CUEDC1: variants seen among roughly 807,000 people sequenced by gnomAD.
The protein encoded by CUEDC1 is CUE domain-containing protein 1.
CUEDC1 carries 30 observed loss-of-function variants against 43.7 expected under a neutral mutation model. The observed-to-expected ratio is 0.69, with a 90% CI of 0.51 to 0.93. CUEDC1 has a LOEUF of 0.93. CUEDC1 is among the 40% of genes least tolerant of loss of function. CUEDC1 has a pLI of 0.00. For missense variants in CUEDC1, 486 were observed against 549.0 expected (o/e 0.89, Z 1.15); for synonymous variants, 223 against 223.6 (o/e 1.00, Z 0.02).
chr17:57,947,802 C>T (rs2074972454), intron 1 of CUEDC1, among the ~76,000 whole-genome samples: 2 of 151,776 alleles, frequency 1.3e-5, no homozygotes, highest in Non-Finnish European at 2.9e-5. Context: ...GACCCTGTCT[C>T]ATAAATAAAT....
chr17:57,945,953 C>T (rs978202843), intron 1 of CUEDC1, among the ~76,000 whole-genome samples: 10 of 151,170 alleles, frequency 6.6e-5, no homozygotes, highest in African/African-American at 1.7e-4. Context: ...TGAACCCGGG[C>T]GGGTGGAGGC....
intron 8 of CUEDC1, 25 bp from the exon 9 acceptor site, chr17:57,867,440 T>A (rs1457140909): frequency 2.6e-6 from 4 of 1,550,458 alleles, no homozygotes; most frequent in Non-Finnish European, 3.5e-6. Context: ...AGGAAAACCG[T>A]CCCAGGGATG....
intron 1 of CUEDC1, among the ~76,000 whole-genome samples, chr17:57,890,643 C>T (rs11867236): frequency 0.13 from 19,675 of 152,186 alleles, 1,456 homozygotes; most frequent in African/African-American, 0.19. Context: ...AATCCAGGCC[C>T]GGCAGGGGCG....
chr17:57,886,823 T>G (rs1568037158), intron 1 of CUEDC1, among the ~76,000 whole-genome samples: 1 of 149,478 alleles, frequency 6.7e-6, no homozygotes. Context: ...GGTTGTTTTT[T>G]TTTTTTTTTT....
intron 1 of CUEDC1, among the ~76,000 whole-genome samples, chr17:57,924,750 C>G (rs557150952): frequency 6.6e-6 from 1 of 152,174 alleles, no homozygotes; most frequent in Admixed American, 6.5e-5. Flanking sequence ...AGCCGCTGTC[C>G]CATCAAGGCC....
At chr17:57,910,882 C>T (rs570173205) in intron 1 of CUEDC1, among the ~76,000 whole-genome samples, 106 of 152,154 alleles carry the variant, frequency 7.0e-4, no homozygotes, top group South Asian at 3.9e-3. Flanking sequence ...TTCACAGTAC[C>T]CCCTGGCTTT....
chr17:57,909,101 A>G (rs2074558350), intron 1 of CUEDC1, among the ~76,000 whole-genome samples: 1 of 152,204 alleles, frequency 6.6e-6, no homozygotes, highest in Non-Finnish European at 1.5e-5. Flanking sequence ...TATGACAATA[A>G]AAATTTTAAT....
At chr17:57,871,425 C>T (rs766865701) in intron 5 of CUEDC1, 56 bp from the exon 6 acceptor site, 5 of 1,465,970 alleles carry the variant, frequency 3.4e-6, no homozygotes, top group Non-Finnish European at 4.8e-6. Flanking sequence ...CTCCCAGGGG[C>T]AGGCTGGGCT....
intron 1 of CUEDC1, among the ~76,000 whole-genome samples, chr17:57,896,487 G>GGGGGGGGGGGTGTGT (rs375270781): frequency 3.8e-5 from 5 of 130,276 alleles, no homozygotes; most frequent in Non-Finnish European, 8.0e-5. Context: ...TGCATTATGG[G>GGGGGGGGGGGTGTGT]GTGTGTGTGT....
intron 8 of CUEDC1, 23 bp downstream of exon 8, chr17:57,868,127 C>G: frequency 6.3e-7 from 1 of 1,597,902 alleles, no homozygotes; most frequent in Non-Finnish European, 8.6e-7. Context: ...CCACCCCCAC[C>G]AGTGCCAGGC....
chr17:57,944,733 C>G (rs1947619162), intron 1 of CUEDC1, among the ~76,000 whole-genome samples: 1 of 152,212 alleles, frequency 6.6e-6, no homozygotes, highest in African/African-American at 2.4e-5. Context: ...CCTTTGCACA[C>G]TCACACATTT....
In CUEDC1 at chr17:57,879,612, G is replaced by C. The variant is rs371383956; in HGVS notation, c.463C>G (p.Arg155Gly). The C allele has an allele frequency of 6.3e-7, 1 of 1,589,078 alleles. No individual in the cohort carries two copies. Among genetic ancestry groups the C allele is most frequent in the Non-Finnish European group, 8.5e-7 (1 of 1,171,780 alleles). ...CTCTGAGACATGACAGATTCTCACC[G>C]GGGAGGCGGAGTCGGGGGAGCCAGA... ...YPLAPPTPPPRIDALGSGAPT... is the reference protein window; with the variant it reads ...YPLAPPTPPPGIDALGSGAPT... The change falls in exon 3 of 11, where the codon CGT becomes GGT. Residue 155 changes from arginine (R) to glycine (G), a missense_variant and splice_region_variant. By Grantham distance (125) the Arg-to-Gly change is moderately radical (BLOSUM62 -2). Coordinates refer to ENST00000577830, the MANE Select transcript of CUEDC1 (RefSeq NM_001271875.2).
At chr17:57,878,988 A>T (rs530269114) in intron 3 of CUEDC1, among the ~76,000 whole-genome samples, 1 of 152,082 alleles carries the variant, frequency 6.6e-6, no homozygotes, top group Non-Finnish European at 1.5e-5. Flanking sequence ...TAAGCTTCCA[A>T]ATTACAGAGT....
intron 1 of CUEDC1, among the ~76,000 whole-genome samples, chr17:57,892,326 AG>A (rs1402722099): frequency 2.0e-5 from 3 of 152,166 alleles, no homozygotes; most frequent in African/African-American, 7.2e-5. Context: ...AGGGGGCAGG[AG>A]GCTAACCCCC....
At chr17:57,923,511 G>A (rs2074716948) in intron 1 of CUEDC1, among the ~76,000 whole-genome samples, 1 of 152,198 alleles carries the variant, frequency 6.6e-6, no homozygotes, top group Non-Finnish European at 1.5e-5. Flanking sequence ...AGAAGGCAAG[G>A]GCCCTGGTCA....
rs376979544 is a variant in CUEDC1 at position 57,902,145 on chromosome 17, C to T, written c.-315-16266G>A. 2.0e-5 allele frequency among the ~76,000 whole-genome samples: 3 copies of T among 151,768 alleles called. No homozygotes were observed. The East Asian group carries it at 5.8e-4, about 29-fold the overall frequency. ...GGCAGAGGTTGCAGGGAGCCAAGATCACGCCATTGCACTCCAGCCTGGAAG... is the reference window on the plus strand; with the variant it reads ...GGCAGAGGTTGCAGGGAGCCAAGATTACGCCATTGCACTCCAGCCTGGAAG... On this transcript the variant is annotated intron_variant, in intron 1 of 10. Transcript: ENST00000577830.
At chr17:57,945,583 G>A (rs535609182) in intron 1 of CUEDC1, among the ~76,000 whole-genome samples, 6 of 152,272 alleles carry the variant, frequency 3.9e-5, no homozygotes, top group Admixed American at 6.5e-5. Flanking sequence ...TGTAGCCCTG[G>A]CTTTACCACT....
chr17:57,904,233 T>G (rs896788398), intron 1 of CUEDC1, among the ~76,000 whole-genome samples: 1 of 152,032 alleles, frequency 6.6e-6, no homozygotes, highest in Non-Finnish European at 1.5e-5. Context: ...CTGGCCCCCC[T>G]ACCCCACCGC....
chr17:57,931,805 C>T (rs2074806353), intron 1 of CUEDC1, among the ~76,000 whole-genome samples: 2 of 152,144 alleles, frequency 1.3e-5, no homozygotes, highest in Admixed American at 1.3e-4. Flanking sequence ...GCTGAAAAGC[C>T]TCCTCTGGAT....
Sources: allele counts gnomAD v4.1 joint callset (sites outside exome capture counted in the v4.1 genomes callset), GRCh38; gene constraint gnomAD v4.1.1; transcripts MANE v1.5; gene names NCBI Gene and HGNC (gene_info 2026-07-23, HGNC 2026-07-21).